MILR1: variants seen among roughly 807,000 people sequenced by gnomAD.
MILR1 encodes mast cell immunoglobulin like receptor 1.
In MILR1, 31 loss-of-function variants were observed where a neutral mutation model predicts 18.5. The ratio of observed to expected loss-of-function variants is 1.68; its 90% CI spans 1.26 to 2.26. The LOEUF is 2.26. MILR1 is among the 30% of genes most tolerant of loss of function. The probability of loss-of-function intolerance (pLI) is 0.00; values close to 1 mark genes in which losing one functional copy is unlikely to be tolerated. For missense variants in MILR1, 257 were observed against 157.4 expected (o/e 1.63, Z -3.38); for synonymous variants, 85 against 56.2 (o/e 1.51, Z -2.30).
At chr17:64,472,519 C>T (rs184853074), downstream of MILR1, among the ~76,000 whole-genome samples, 135 of 133,410 alleles carry the variant, frequency 1.0e-3, no homozygotes, top group East Asian at 0.026. Context: ...GAGAAAACAC[C>T]ATGATGTGTT....
chr17:64,468,945 G>A (rs1555664061), downstream of MILR1, among the ~76,000 whole-genome samples: 3 of 151,928 alleles, frequency 2.0e-5, no homozygotes, highest in African/African-American at 7.2e-5. Context: ...AAATTAGCTG[G>A]GCACAGTGGC....
At chr17:64,491,796 C>T in the MILR1 span, 1 of 553,992 alleles carries the variant, frequency 1.8e-6, no homozygotes, top group South Asian at 1.6e-5. Flanking sequence ...CTGAAGAAGA[C>T]ATGCTCTGCA....
chr17:64,465,793 GT>G (rs1172432522), intron 6 of MILR1, among the ~76,000 whole-genome samples: 4 of 149,850 alleles, frequency 2.7e-5, no homozygotes, highest in Non-Finnish European at 4.5e-5. Context: ...CCATGATTTT[GT>G]TTTTTTTTCA....
the MILR1 span, chr17:64,496,548 CG>C: frequency 2.5e-6 from 4 of 1,613,924 alleles, no homozygotes; most frequent in Non-Finnish European, 2.5e-6. Context: ...GCACTGTCCC[CG>C]GGTAGCAAAG....
the MILR1 span, among the ~76,000 whole-genome samples, chr17:64,476,351 C>T: frequency 6.6e-6 from 1 of 151,968 alleles, no homozygotes; most frequent in East Asian, 1.9e-4. Flanking sequence ...TTAAATATTT[C>T]CAGATTAAAT....
chr17:64,490,972 G>A, the MILR1 span: 1 of 1,610,458 alleles, frequency 6.2e-7, no homozygotes, highest in South Asian at 1.1e-5. Flanking sequence ...ATGGCAAACT[G>A]GAAAAGAAAA....
chr17:64,452,823 C>T lies in MILR1; in HGVS notation c.324C>T (p.Thr108=), dbSNP rs2037204171. The part of the protein sequence containing the change: ...SGPYKCKAQV[T]SCSKYSRDFS... ...CCTACAAATGCAAAGCCCAAGTTAC[C>T]AGCTGTTCAAAATACAGTCGTGACT... Residue 108 remains threonine, a synonymous_variant, in exon 3 of 10, where the codon ACC becomes ACT. Coordinates refer to ENST00000619286, the MANE Select transcript of MILR1 (RefSeq NM_001085423.2). The T allele has an allele frequency of 2.1e-6, 1 of 475,166 alleles. No individual in the cohort carries two copies. The highest frequency in any genetic ancestry group is 3.9e-6 in the Non-Finnish European group (1 of 259,002). The allele number at this position is 475,166 out of a possible 1,614,324, so 29.4% of individuals were successfully genotyped here.
the MILR1 span, among the ~76,000 whole-genome samples, chr17:64,495,219 T>C: frequency 1.6e-4 from 24 of 149,598 alleles, no homozygotes; most frequent in Admixed American, 4.0e-4. Flanking sequence ...GCACTAGGTG[T>C]GCTCATTGCT....
the MILR1 span, chr17:64,496,727 C>G: frequency 8.1e-6 from 13 of 1,614,092 alleles, no homozygotes; most frequent in Non-Finnish European, 1.0e-5. Flanking sequence ...CTGCTTGCTT[C>G]CACTTAGGAA....
At chr17:64,481,791 C>G in the MILR1 span, among the ~76,000 whole-genome samples, 2 of 152,018 alleles carry the variant, frequency 1.3e-5, no homozygotes, top group African/African-American at 4.8e-5. Flanking sequence ...AGGAGAATTG[C>G]TTGAACCTGG....
downstream of MILR1, among the ~76,000 whole-genome samples, chr17:64,470,701 G>A (rs570076755): frequency 2.6e-5 from 4 of 152,122 alleles, no homozygotes; most frequent in Non-Finnish European, 5.9e-5. Flanking sequence ...CCACCCTTTC[G>A]ATCAGATCCT....
chr17:64,495,338 G>A, the MILR1 span, among the ~76,000 whole-genome samples: 2 of 152,146 alleles, frequency 1.3e-5, no homozygotes, highest in African/African-American at 2.4e-5. Flanking sequence ...CCAGCACTTT[G>A]GGGGGCCAAG....
At chr17:64,461,302 C>T (rs1181862144) in intron 5 of MILR1, among the ~76,000 whole-genome samples, 1 of 152,098 alleles carries the variant, frequency 6.6e-6, no homozygotes, top group Non-Finnish European at 1.5e-5. Context: ...GGCTGGAGTG[C>T]AGTGGTACGA....
chr17:64,496,818 C>G, the MILR1 span: 9 of 1,613,866 alleles, frequency 5.6e-6, no homozygotes, highest in Non-Finnish European at 7.6e-6. Context: ...CCGTTCCCCT[C>G]GAGCTCCGCG....
At chr17:64,470,562 G>A (rs930567618), downstream of MILR1, among the ~76,000 whole-genome samples, 3 of 152,116 alleles carry the variant, frequency 2.0e-5, no homozygotes, top group Non-Finnish European at 2.9e-5. Flanking sequence ...TCTCAAGAGC[G>A]CTCGCGGGCA....
At chr17:64,459,996 A>T (rs201614781) in intron 4 of MILR1, among the ~76,000 whole-genome samples, 10 of 38,588 alleles carry the variant, frequency 2.6e-4, no homozygotes, top group African/African-American at 1.0e-3. Context: ...ATTTTATTTT[A>T]TTTATTTATT....
At chr17:64,483,696 GA>G in the MILR1 span, among the ~76,000 whole-genome samples, 1 of 149,574 alleles carries the variant, frequency 6.7e-6, no homozygotes, top group Admixed American at 6.7e-5. Context: ...TTTTTTGAAT[GA>G]AAAAAATTTT....
the MILR1 span, chr17:64,484,006 A>G: frequency 2.0e-5 from 3 of 152,282 alleles, no homozygotes; most frequent in Admixed American, 6.5e-5. Flanking sequence ...TGAGCCATTC[A>G]GCCCAGCCTT....
chr17:64,480,283 TCTTA>T, the MILR1 span: 1 of 1,383,060 alleles, frequency 7.2e-7, no homozygotes, highest in Non-Finnish European at 1.0e-6. Context: ...AAAATACAAT[TCTTA>T]CTTCGAATAA....
Sources: allele counts gnomAD v4.1 joint callset (sites outside exome capture counted in the v4.1 genomes callset), GRCh38; gene constraint gnomAD v4.1.1; transcripts MANE v1.5; gene names NCBI Gene and HGNC (gene_info 2026-07-23, HGNC 2026-07-21).